The following EPB41L2 variants were observed in gnomAD, a reference collection of about 807,000 sequenced individuals.
EPB41L2 encodes the protein band 4.1-like protein 2.
Under a neutral mutation model 113.0 loss-of-function variants are expected in EPB41L2, and 43 were observed. The ratio of observed to expected loss-of-function variants is 0.38; its 90% confidence interval spans 0.30 to 0.49. The LOEUF (loss-of-function observed/expected upper bound fraction) is 0.49. EPB41L2 is among the 20% of genes least tolerant of loss of function. The pLI is 0.95. For missense variants in EPB41L2, 1,147 were observed against 1,223.4 expected (o/e 0.94, Z 0.93); for synonymous variants, 442 against 436.7 (o/e 1.01, Z -0.15).
intron 6 of EPB41L2, among the ~76,000 whole-genome samples, chr6:130,903,395 G>A (rs947185826): frequency 4.3e-5 from 5 of 116,168 alleles, no homozygotes; most frequent in Admixed American, 1.7e-4. Flanking sequence ...GCAACAAGTA[G>A]TTTAAAAAAA....
At chr6:130,911,741 T>C (rs1799470598) in intron 4 of EPB41L2, among the ~76,000 whole-genome samples, 1 of 152,224 alleles carries the variant, frequency 6.6e-6, no homozygotes, top group African/African-American at 2.4e-5. Flanking sequence ...AAAATTTAGA[T>C]TTTTTTGTTT....
intron 1 of EPB41L2, among the ~76,000 whole-genome samples, chr6:131,019,401 T>G (rs1045595075): frequency 3.3e-5 from 5 of 152,202 alleles, no homozygotes; most frequent in African/African-American, 1.2e-4. Context: ...CCAATATTTA[T>G]GATCATTTCT....
chr6:130,968,463 T>C (rs1381107058), intron 1 of EPB41L2, among the ~76,000 whole-genome samples: 1 of 152,230 alleles, frequency 6.6e-6, no homozygotes. Context: ...TCTTCTGCCA[T>C]TTTAAGTAAT....
chr6:131,005,487 C>T (rs1239310883), intron 1 of EPB41L2, among the ~76,000 whole-genome samples: 1 of 152,172 alleles, frequency 6.6e-6, no homozygotes, highest in African/African-American at 2.4e-5. Flanking sequence ...CCCCACCACT[C>T]TAGAATGTTT....
intron 1 of EPB41L2, among the ~76,000 whole-genome samples, chr6:130,981,702 C>G (rs1439536370): frequency 6.6e-6 from 1 of 152,076 alleles, no homozygotes; most frequent in Non-Finnish European, 1.5e-5. Context: ...AAGCCAGAAG[C>G]AGAGCTATTT....
chr6:130,998,571 T>C (rs566981415), intron 1 of EPB41L2, among the ~76,000 whole-genome samples: 1 of 152,298 alleles, frequency 6.6e-6, no homozygotes, highest in African/African-American at 2.4e-5. Context: ...ACTAAACTGA[T>C]TATTCCTCAC....
chr6:130,939,280 G>A (rs1809953797), intron 3 of EPB41L2, among the ~76,000 whole-genome samples: 1 of 150,328 alleles, frequency 6.7e-6, no homozygotes, highest in Non-Finnish European at 1.5e-5. Flanking sequence ...TTGAGGCTGA[G>A]TCTCACTCTA....
intron 4 of EPB41L2, among the ~76,000 whole-genome samples, chr6:130,913,182 T>C (rs1799942267): frequency 6.6e-6 from 1 of 152,214 alleles, no homozygotes; most frequent in Admixed American, 6.5e-5. Context: ...GAGTCAGCTC[T>C]ATAAACCCAG....
intron 1 of EPB41L2, among the ~76,000 whole-genome samples, chr6:131,023,764 GATAT>G (rs1562754204): frequency 8.8e-6 from 1 of 113,556 alleles, no homozygotes; most frequent in African/African-American, 3.3e-5. Flanking sequence ...TAGATATATA[GATAT>G]ATAGATATAT....
chr6:130,866,365 T>C (rs1056393998), intron 16 of EPB41L2, among the ~76,000 whole-genome samples: 1 of 152,216 alleles, frequency 6.6e-6, no homozygotes, highest in African/African-American at 2.4e-5. Flanking sequence ...TCACGAAACA[T>C]ATTTGCCCTC....
In EPB41L2 at chr6:130,870,028, T is replaced by C. The variant is rs145784221; in HGVS notation, c.2142A>G (p.Ile714Met). The C allele has an allele frequency of 5.5e-5, 89 of 1,613,934 alleles. No homozygotes were observed. The highest frequency in any genetic ancestry group is 6.8e-5 in the Non-Finnish European group (80 of 1,180,028). ...TCTCCCCAGGACCACTCCCAGGTGA[T>C]ATCTCTTTACCATTCATTTCTTCTG... ...VITEEMNGKE[I>M]SPGSGPGEIR... Residue 714 changes from isoleucine to methionine, a missense_variant, in exon 15 of 20, where the codon ATA (isoleucine) becomes ATG (methionine). Coordinates refer to ENST00000337057, the MANE Select transcript of EPB41L2 (RefSeq NM_001431.4).
rs1237814319 is a variant in EPB41L2, at chr6:131,023,751, A to ATATC, written c.-15+39403_-15+39404insGATA. Among the ~76,000 whole-genome samples the ATATC allele has an allele frequency of 4.1e-3, 324 of 78,754 alleles. 1 individual carries two copies. Among genetic ancestry groups the ATATC allele is most frequent in the African/African-American group, 0.017 (317 of 18,600 alleles). The allele number at this position is 78,754 out of a possible 152,430, so 51.7% of individuals were successfully genotyped here. A position where few individuals can be genotyped will look rare whatever the true frequency, so the allele number is the denominator to read the frequency against. On this transcript the variant is annotated intron_variant, in intron 1 of 19. Coordinates refer to ENST00000337057, the MANE Select transcript of EPB41L2 (RefSeq NM_001431.4). The stretch of plus-strand genomic sequence containing the variant: ...TGTGTATATATATCTATATATCTAT[A>ATATC]TATAGATATATAGATATATAGATAT...
chr6:130,916,287 A>C (rs1458677735), intron 4 of EPB41L2, among the ~76,000 whole-genome samples: 1 of 152,192 alleles, frequency 6.6e-6, no homozygotes, highest in Non-Finnish European at 1.5e-5. Flanking sequence ...GAATCTCCTT[A>C]ATCTTACTCT....
At chr6:130,985,397 C>T (rs552389098) in intron 1 of EPB41L2, among the ~76,000 whole-genome samples, 1 of 152,286 alleles carries the variant, frequency 6.6e-6, no homozygotes, top group East Asian at 1.9e-4. Flanking sequence ...CTAGCTCACT[C>T]TTCAACTGTC....
chr6:130,868,196 A>C (rs1784521550), intron 15 of EPB41L2: 1 of 153,864 alleles, frequency 6.5e-6, no homozygotes, highest in African/African-American at 2.4e-5. Context: ...TTTCTGCCTT[A>C]TTGTTAACAG....
At chr6:130,933,501 T>C (rs763702670) in intron 3 of EPB41L2, among the ~76,000 whole-genome samples, 1 of 151,942 alleles carries the variant, frequency 6.6e-6, no homozygotes. Flanking sequence ...TTTAAAACAA[T>C]AAACAAAAAA....
chr6:130,898,309 T>A (rs965785472), intron 8 of EPB41L2, among the ~76,000 whole-genome samples: 2 of 152,088 alleles, frequency 1.3e-5, no homozygotes, highest in Non-Finnish European at 2.9e-5. Flanking sequence ...ATAACACAAA[T>A]GCAAGAATTA....
At chr6:131,054,898 A>T (rs1042620868) in intron 1 of EPB41L2, among the ~76,000 whole-genome samples, 4 of 152,220 alleles carry the variant, frequency 2.6e-5, no homozygotes, top group African/African-American at 9.6e-5. Context: ...AATTGATCAC[A>T]GGTTCATATT....
At chr6:130,971,423 G>A (rs754498607) in intron 1 of EPB41L2, among the ~76,000 whole-genome samples, 1 of 151,996 alleles carries the variant, frequency 6.6e-6, no homozygotes, top group Admixed American at 6.6e-5. Context: ...GCTTCTCTTT[G>A]ACATATTCAA....
Sources: allele counts gnomAD v4.1 joint callset (sites outside exome capture counted in the v4.1 genomes callset), GRCh38; gene constraint gnomAD v4.1.1; transcripts MANE v1.5; gene names NCBI Gene and HGNC (gene_info 2026-07-23, HGNC 2026-07-21).